The following ERBB4 variants were observed in gnomAD, a reference collection of about 807,000 sequenced individuals.
ERBB4 encodes the protein receptor tyrosine-protein kinase erbB-4.
A neutral mutation model predicts 158.0 loss-of-function variants in ERBB4; 42 were observed. The ratio of observed to expected loss-of-function variants is 0.27; its 90% confidence interval spans 0.21 to 0.34. The LOEUF (loss-of-function observed/expected upper bound fraction) is 0.34. ERBB4 is among the 10% of genes least tolerant of loss of function. The probability of loss-of-function intolerance (pLI) is 1.00; values close to 1 mark genes in which losing one functional copy is unlikely to be tolerated. For synonymous variants in ERBB4, 583 were observed against 558.7 expected, an observed-to-expected ratio of 1.04 and a Z score of -0.61; for missense variants, 1,333 against 1,624.1, an observed-to-expected ratio of 0.82 and a Z score of 3.08.
chr2:211,852,208 C>T (rs947253102), intron 3 of ERBB4, among the ~76,000 whole-genome samples: 1 of 151,742 alleles, frequency 6.6e-6, no homozygotes, highest in Non-Finnish European at 1.5e-5. Flanking sequence ...CCATACATTG[C>T]CCCATGTTGA....
intron 2 of ERBB4, among the ~76,000 whole-genome samples, chr2:211,987,657 C>T (rs1267302278): frequency 6.6e-6 from 1 of 152,088 alleles, no homozygotes; most frequent in African/African-American, 2.4e-5. Context: ...TTTATTTACA[C>T]ATTTTTATTT....
intron 2 of ERBB4, among the ~76,000 whole-genome samples, chr2:212,070,320 G>A (rs956538446): frequency 2.0e-5 from 3 of 151,920 alleles, no homozygotes; most frequent in Admixed American, 1.3e-4. Context: ...AAAAATCTCC[G>A]ATGGCTTTCT....
At chr2:212,094,818 A>G (rs945757784) in intron 2 of ERBB4, among the ~76,000 whole-genome samples, 1 of 152,314 alleles carries the variant, frequency 6.6e-6, no homozygotes, top group East Asian at 1.9e-4. Context: ...ATGGACTAAC[A>G]TAGTCCATAA....
At position 211,629,220 on chromosome 2, in the gene ERBB4, G is replaced by A. The variant is rs567307291; in HGVS notation, c.2079+1242C>T. 6.0e-3 allele frequency among the ~76,000 whole-genome samples: 920 copies of A among 152,154 alleles called. 6 individuals carry two copies. Among genetic ancestry groups the A allele is most frequent in the Middle Eastern group, 0.014 (4 of 294 alleles). On this transcript the variant is annotated intron_variant, in intron 17 of 27. Transcript: ENST00000342788. The stretch of plus-strand genomic sequence containing the variant: ...AAGTCTCAGGATACAAAATCAATGT[G>A]CAAAAATCACAAGCATTCTTATACA...
chr2:211,973,655 T>C (rs1215074895), intron 2 of ERBB4, among the ~76,000 whole-genome samples: 2 of 152,196 alleles, frequency 1.3e-5, no homozygotes, highest in Non-Finnish European at 1.5e-5. Flanking sequence ...AGTTCAGCCA[T>C]TGTGGAAGAC....
chr2:211,944,185 A>ATGTGTGTG (rs2080600340), intron 3 of ERBB4, among the ~76,000 whole-genome samples: 1 of 45,514 alleles, frequency 2.2e-5, no homozygotes, highest in South Asian at 4.1e-4. Context: ...TACTATATAT[A>ATGTGTGTG]TATATATATA....
At chr2:212,391,188 T>C (rs75592307) in intron 1 of ERBB4, among the ~76,000 whole-genome samples, 14,307 of 151,760 alleles carry the variant, frequency 0.094, 823 homozygotes, top group Non-Finnish European at 0.13. Flanking sequence ...ACCAATAAAA[T>C]TGTTTCTTTT....
At chr2:212,295,484 A>T (rs978578155) in intron 1 of ERBB4, among the ~76,000 whole-genome samples, 5 of 152,066 alleles carry the variant, frequency 3.3e-5, no homozygotes, top group African/African-American at 1.2e-4. Flanking sequence ...TGAAAAGAAA[A>T]CGTATGCATA....
intron 3 of ERBB4, among the ~76,000 whole-genome samples, chr2:211,881,466 G>A (rs1362357469): frequency 6.6e-6 from 1 of 152,120 alleles, no homozygotes; most frequent in African/African-American, 2.4e-5. Flanking sequence ...AGGACTACCT[G>A]AGGGCCAGGT....
intron 12 of ERBB4, among the ~76,000 whole-genome samples, chr2:211,686,304 T>A (rs2072560801): frequency 1.3e-5 from 2 of 152,190 alleles, no homozygotes; most frequent in African/African-American, 4.8e-5. Context: ...TCTGAGATTT[T>A]TAAACAGAAA....
intron 3 of ERBB4, among the ~76,000 whole-genome samples, chr2:211,913,955 T>A (rs2079613079): frequency 7.4e-6 from 1 of 135,196 alleles, no homozygotes. Context: ...AAAACAAAAA[T>A]CAAATAAGTG....
At chr2:211,593,903 C>T (rs1000050316) in intron 19 of ERBB4, among the ~76,000 whole-genome samples, 1 of 152,126 alleles carries the variant, frequency 6.6e-6, no homozygotes, top group Non-Finnish European at 1.5e-5. Context: ...CTGATTGATG[C>T]CAACCAGGAT....
rs1203397849 is a variant in ERBB4 at position 211,580,812 on chromosome 2, A to ATATATATT, written c.2302-18725_2302-18724insAATATATA. Among the ~76,000 whole-genome samples, 53 of 48,270 alleles carry ATATATATT rather than the reference A, an allele frequency of 1.1e-3. 2 individuals are homozygous for ATATATATT. The highest frequency in any genetic ancestry group is 4.9e-3 in the South Asian group (8 of 1,620). 31.7% of individuals were successfully genotyped at this position (48,270 alleles called of 152,430 possible). On this transcript the variant is annotated intron_variant, in intron 19 of 27. Transcript: ENST00000342788. Reference sequence around the variant, plus strand: ...GATATATATATATATATATATATATAATATATATATATTATATATATAGAT... The same window carrying ATATATATT: ...GATATATATATATATATATATATATATATATATTATATATATATATTATATATATAGAT...
At chr2:211,440,588 A>G (rs916277367) in intron 20 of ERBB4, among the ~76,000 whole-genome samples, 1 of 152,178 alleles carries the variant, frequency 6.6e-6, no homozygotes, top group South Asian at 2.1e-4. Flanking sequence ...GTGGAAAACC[A>G]TACAGCTTAG....
intron 4 of ERBB4, among the ~76,000 whole-genome samples, chr2:211,756,836 C>T (rs2075297243): frequency 6.6e-6 from 1 of 152,190 alleles, no homozygotes; most frequent in South Asian, 2.1e-4. Flanking sequence ...AGTATTAGAG[C>T]TGATCAGATG....
chr2:211,536,519 G>A (rs1385572820), intron 20 of ERBB4, among the ~76,000 whole-genome samples: 1 of 152,026 alleles, frequency 6.6e-6, no homozygotes, highest in Admixed American at 6.6e-5. Flanking sequence ...AGGCCCTGGA[G>A]TCCAGAGATG....
rs539010753 is a variant in ERBB4 at position 212,324,019 on chromosome 2, G to A, written c.83-199116C>T. Among the ~76,000 whole-genome samples, 24 of 150,372 alleles carry A rather than the reference G, an allele frequency of 1.6e-4. 2 individuals carry two copies. In the South Asian group the frequency reaches 4.1e-3, roughly 26 times the overall value. ...TGTTCCAGTATCCACCAACTCATACGAATTTCCAGAATATCGTAAGTCAAC... is the reference window on the plus strand; with the variant it reads ...TGTTCCAGTATCCACCAACTCATACAAATTTCCAGAATATCGTAAGTCAAC... On this transcript the variant is annotated intron_variant, in intron 1 of 27. Coordinates refer to ENST00000342788, the MANE Select transcript of ERBB4 (RefSeq NM_005235.3).
intron 17 of ERBB4, among the ~76,000 whole-genome samples, chr2:211,626,705 A>C (rs2069858747): frequency 6.6e-6 from 1 of 152,074 alleles, no homozygotes; most frequent in Admixed American, 6.6e-5. Flanking sequence ...CAGGCGGATC[A>C]CGAGGTCAGG....
chr2:212,466,461 T>C (rs1688840344), intron 1 of ERBB4, among the ~76,000 whole-genome samples: 1 of 152,150 alleles, frequency 6.6e-6, no homozygotes, highest in Non-Finnish European at 1.5e-5. Flanking sequence ...GGAGTGGGTC[T>C]TTCCTGTGCT....
Sources: allele counts gnomAD v4.1 joint callset (sites outside exome capture counted in the v4.1 genomes callset), GRCh38; gene constraint gnomAD v4.1.1; transcripts MANE v1.5; gene names NCBI Gene and HGNC (gene_info 2026-07-23, HGNC 2026-07-21).